Variants in ZNF804A observed in about 807,000 individuals in gnomAD.
The protein encoded by ZNF804A is zinc finger protein 804A.
Under a neutral mutation model 16.5 loss-of-function variants are expected in ZNF804A, and 2 were observed. The ratio of observed to expected loss-of-function variants is 0.12; its 90% CI spans 0.05 to 0.38. The LOEUF is 0.38. Among genes scored for constraint, ZNF804A ranks in the 10% least tolerant of loss-of-function variants. The probability of loss-of-function intolerance (pLI) is 0.99; values close to 1 mark genes in which losing one functional copy is unlikely to be tolerated. For synonymous variants in ZNF804A, 534 were observed against 489.6 expected (o/e 1.09, Z -1.20); for missense variants, 1,473 against 1,390.7 (o/e 1.06, Z -0.94).
chr2:184,603,394 C>A (rs1559105203), intron 1 of ZNF804A, among the ~76,000 whole-genome samples: 1 of 152,178 alleles, frequency 6.6e-6, no homozygotes, highest in African/African-American at 2.4e-5. Context: ...TGAAAAAATT[C>A]TGTGTTATTT....
At position 184,760,994 on chromosome 2, in the gene ZNF804A, G is replaced by A. The variant is rs566732253; in HGVS notation, c.112-105375G>A. 8.6e-5 allele frequency among the ~76,000 whole-genome samples: 13 copies of A among 151,936 alleles called. No homozygotes were observed. The South Asian group carries it at 1.5e-3, about 17-fold the overall frequency. On this transcript the variant is annotated intron_variant, in intron 1 of 3. Coordinates refer to ENST00000302277, the MANE Select transcript of ZNF804A (RefSeq NM_194250.2). ...AACTTGCATTTAATTTCCTTTTCTCGGTCATATAACTAAAACTACATTTTT... is the reference window on the plus strand; with the variant it reads ...AACTTGCATTTAATTTCCTTTTCTCAGTCATATAACTAAAACTACATTTTT...
At chr2:184,847,713 ACTGTTCCC>A (rs1186250057) in intron 1 of ZNF804A, among the ~76,000 whole-genome samples, 1 of 151,984 alleles carries the variant, frequency 6.6e-6, no homozygotes, top group Non-Finnish European at 1.5e-5. Flanking sequence ...GTCCCATAAG[ACTGTTCCC>A]ATTTTCAATG....
chr2:184,664,381 C>A (rs1221476004), intron 1 of ZNF804A, among the ~76,000 whole-genome samples: 2 of 152,030 alleles, frequency 1.3e-5, no homozygotes, highest in East Asian at 3.9e-4. Flanking sequence ...GCTTAATAAT[C>A]TACACAAGTA....
At chr2:184,933,973 C>G (rs1157180246) in intron 3 of ZNF804A, among the ~76,000 whole-genome samples, 1 of 151,818 alleles carries the variant, frequency 6.6e-6, no homozygotes, top group East Asian at 1.9e-4. Context: ...AAAAAATAAA[C>G]TTTATGTTAT....
chr2:184,901,106 C>T (rs943841022), intron 2 of ZNF804A, among the ~76,000 whole-genome samples: 18 of 152,106 alleles, frequency 1.2e-4, no homozygotes, highest in Non-Finnish European at 2.4e-4. Flanking sequence ...ATCCATACAT[C>T]CTACACTGCT....
rs78308068 is a variant in ZNF804A at position 184,823,025 on chromosome 2, A to T, written c.112-43344A>T. On this transcript the variant is annotated intron_variant, in intron 1 of 3. Transcript: ENST00000302277. ...GTCTTAGTCCATTCTTGCTACTATA[A>T]CAAAATGCCCCAGACTAAGGAATTT... Among the ~76,000 whole-genome samples the T allele has an allele frequency of 9.1e-3, 1,384 of 152,254 alleles. 23 individuals are homozygous for T. The highest frequency in any genetic ancestry group is 0.032 in the African/African-American group (1,323 of 41,542).
At chr2:184,843,572 C>A (rs1314054841) in intron 1 of ZNF804A, among the ~76,000 whole-genome samples, 2 of 152,128 alleles carry the variant, frequency 1.3e-5, no homozygotes, top group Non-Finnish European at 2.9e-5. Context: ...CCACACTTGG[C>A]CCTGCCATCA....
intron 1 of ZNF804A, among the ~76,000 whole-genome samples, chr2:184,693,729 T>C (rs1454301796): frequency 2.6e-5 from 4 of 152,194 alleles, no homozygotes; most frequent in Admixed American, 6.6e-5. Context: ...TTCTTGTAGC[T>C]GGTGTTACCC....
chr2:184,859,312 C>G (rs975430384), intron 1 of ZNF804A, among the ~76,000 whole-genome samples: 1 of 151,758 alleles, frequency 6.6e-6, no homozygotes, highest in African/African-American at 2.4e-5. Flanking sequence ...TATTTCTCCT[C>G]TGACTGTATA....
At chr2:184,866,634 A>T in intron 2 of ZNF804A, 122 bp downstream of exon 2, 2 of 875,094 alleles carry the variant, frequency 2.3e-6, no homozygotes, top group African/African-American at 1.8e-5. Context: ...CAGTTTTGAA[A>T]TATATCATTC....
intron 1 of ZNF804A, among the ~76,000 whole-genome samples, chr2:184,632,525 A>C (rs555948060): frequency 6.8e-4 from 104 of 152,144 alleles, no homozygotes; most frequent in Non-Finnish European, 1.0e-3. Context: ...CCTCCTGAGT[A>C]TCTGGGATTA....
At chr2:184,907,203 G>T (rs934712661) in intron 2 of ZNF804A, among the ~76,000 whole-genome samples, 1 of 152,080 alleles carries the variant, frequency 6.6e-6, no homozygotes, top group Non-Finnish European at 1.5e-5. Context: ...ATTATTTTAA[G>T]CCATTTAGTT....
chr2:184,798,209 T>C lies in ZNF804A; in HGVS notation c.112-68160T>C, dbSNP rs187205774. On this transcript the variant is annotated intron_variant, in intron 1 of 3. Coordinates refer to ENST00000302277, the MANE Select transcript of ZNF804A (RefSeq NM_194250.2). ...TTAACTTTAGATAACCTGATAACAA[T>C]GTGCCTAGGTAATGATATTTTTGCA... 1.7e-3 allele frequency among the ~76,000 whole-genome samples: 253 copies of C among 152,212 alleles called. 1 individual carries two copies. Among genetic ancestry groups the C allele is most frequent in the Non-Finnish European group, 2.1e-3 (141 of 68,006 alleles).
chr2:184,776,898 G>A (rs1268697906), intron 1 of ZNF804A, among the ~76,000 whole-genome samples: 1 of 151,462 alleles, frequency 6.6e-6, no homozygotes, highest in Non-Finnish European at 1.5e-5. Context: ...TTTATTTCAT[G>A]TTGAAGTGTG....
At chr2:184,607,488 G>T (rs1574128839) in intron 1 of ZNF804A, among the ~76,000 whole-genome samples, 1 of 151,978 alleles carries the variant, frequency 6.6e-6, no homozygotes, top group African/African-American at 2.4e-5. Flanking sequence ...AGAGAGAAAA[G>T]CCCCTTATAA....
chr2:184,695,121 A>G (rs2105727807), intron 1 of ZNF804A, among the ~76,000 whole-genome samples: 1 of 152,282 alleles, frequency 6.6e-6, no homozygotes, highest in South Asian at 2.1e-4. Flanking sequence ...TTAGTTTATA[A>G]CTTCAAAATA....
intron 1 of ZNF804A, among the ~76,000 whole-genome samples, chr2:184,602,617 A>C (rs1355986293): frequency 6.6e-6 from 1 of 152,072 alleles, no homozygotes; most frequent in Non-Finnish European, 1.5e-5. Context: ...CATGGAATTT[A>C]AATATCCCTT....
chr2:184,609,021 C>A (rs895308055), intron 1 of ZNF804A, among the ~76,000 whole-genome samples: 1 of 151,920 alleles, frequency 6.6e-6, no homozygotes. Flanking sequence ...TAGACACTTA[C>A]GAATTCAAGG....
rs566273986 is a variant in ZNF804A, at chr2:184,681,724, T to C, written c.111+82654T>C. Among the ~76,000 whole-genome samples the C allele has an allele frequency of 5.1e-4, 77 of 152,214 alleles. 1 individual carries two copies. The highest frequency in any genetic ancestry group is 1.5e-4 in the Non-Finnish European group (10 of 68,034). On this transcript the variant is annotated intron_variant, in intron 1 of 3. Coordinates refer to ENST00000302277, the MANE Select transcript of ZNF804A (RefSeq NM_194250.2). The stretch of plus-strand genomic sequence containing the variant: ...GCCCGGACTGTGCACTCCATATAGC[T>C]AGCAGGGGCCAGGAACAGGAGGGAG...
Sources: allele counts gnomAD v4.1 joint callset (sites outside exome capture counted in the v4.1 genomes callset), GRCh38; gene constraint gnomAD v4.1.1; transcripts MANE v1.5; gene names NCBI Gene and HGNC (gene_info 2026-07-23, HGNC 2026-07-21).